GLIS3: variants seen among roughly 807,000 people sequenced by gnomAD.
GLIS3 encodes zinc finger protein GLIS3.
A neutral mutation model predicts 78.6 loss-of-function variants in GLIS3; 53 were observed. That is an observed-to-expected ratio of 0.67 (90% CI 0.54 to 0.85). GLIS3 has a LOEUF of 0.85. GLIS3 is among the 40% of genes least tolerant of loss of function. The pLI, the probability that GLIS3 is intolerant of heterozygous loss-of-function variation, is 0.00. For synonymous variants in GLIS3, 684 were observed against 509.9 expected (o/e 1.34, Z -4.60); for missense variants, 1,703 against 1,231.1 (o/e 1.38, Z -5.74).
chr9:4,115,840 A>T (rs1369119278), intron 4 of GLIS3, among the ~76,000 whole-genome samples: 1 of 152,156 alleles, frequency 6.6e-6, no homozygotes, highest in Admixed American at 6.5e-5. Flanking sequence ...GATTCGATAC[A>T]CTGTTAAATC....
intron 4 of GLIS3, among the ~76,000 whole-genome samples, chr9:4,041,521 C>T (rs952507402): frequency 5.9e-5 from 9 of 152,142 alleles, no homozygotes; most frequent in Admixed American, 4.6e-4. Flanking sequence ...ACCAGAGCTC[C>T]ATTTTTAGTG....
At chr9:4,463,051 G>C in the GLIS3 span, among the ~76,000 whole-genome samples, 8 of 152,150 alleles carry the variant, frequency 5.3e-5, no homozygotes, top group East Asian at 1.9e-4. Context: ...ATTTACAAAG[G>C]CAGAGAGATA....
At chr9:4,435,724 C>T in the GLIS3 span, among the ~76,000 whole-genome samples, 19 of 152,124 alleles carry the variant, frequency 1.2e-4, no homozygotes, top group South Asian at 1.7e-3. Context: ...CCAAGGCGGG[C>T]GGATCATGAG....
chr9:3,860,327 T>C (rs116471608), intron 8 of GLIS3, among the ~76,000 whole-genome samples: 133 of 133,114 alleles, frequency 1.0e-3, no homozygotes, highest in African/African-American at 3.6e-3. Flanking sequence ...AGGAAACATT[T>C]AAAACATTTC....
At chr9:3,993,553 T>G (rs1409034333) in intron 4 of GLIS3, among the ~76,000 whole-genome samples, 1 of 152,168 alleles carries the variant, frequency 6.6e-6, no homozygotes, top group Non-Finnish European at 1.5e-5. Context: ...AAAACTAACA[T>G]ACACCATTTT....
At chr9:4,477,490 C>T in the GLIS3 span, among the ~76,000 whole-genome samples, 1 of 152,036 alleles carries the variant, frequency 6.6e-6, no homozygotes, top group African/African-American at 2.4e-5. Flanking sequence ...TCACGGCTCA[C>T]TGCAGCCTCA....
At chr9:3,990,772 T>C (rs7040765) in intron 4 of GLIS3, among the ~76,000 whole-genome samples, 7,738 of 152,280 alleles carry the variant, frequency 0.051, 635 homozygotes, top group African/African-American at 0.17. Context: ...GCTAAACGTA[T>C]GTATATTTTA....
chr9:3,919,145 G>C (rs1036289011), intron 6 of GLIS3, among the ~76,000 whole-genome samples: 9 of 152,110 alleles, frequency 5.9e-5, no homozygotes, highest in African/African-American at 1.4e-4. Flanking sequence ...GTACTCCAAA[G>C]CATGGGGAAA....
At chr9:4,425,204 C>T in the GLIS3 span, among the ~76,000 whole-genome samples, 4 of 152,118 alleles carry the variant, frequency 2.6e-5, no homozygotes, top group East Asian at 1.9e-4. Flanking sequence ...TACATGAGAG[C>T]GATATAAATT....
intron 4 of GLIS3, among the ~76,000 whole-genome samples, chr9:4,006,777 T>C (rs1460775119): frequency 3.3e-5 from 5 of 152,212 alleles, no homozygotes; most frequent in Admixed American, 2.0e-4. Flanking sequence ...AAGACCAATA[T>C]GTACAGCTAA....
At chr9:4,241,022 T>TG (rs1223864807) in intron 2 of GLIS3, among the ~76,000 whole-genome samples, 22 of 152,180 alleles carry the variant, frequency 1.4e-4, no homozygotes, top group Non-Finnish European at 5.9e-5. Flanking sequence ...AATCTTAACG[T>TG]GCATTTATTA....
At chr9:4,332,842 A>C (rs796081120) in intron 2 of GLIS3, among the ~76,000 whole-genome samples, 12 of 152,318 alleles carry the variant, frequency 7.9e-5, no homozygotes, top group African/African-American at 2.9e-4. Context: ...TAGATACTAC[A>C]TATTCTGAAC....
At chr9:4,001,721 T>C (rs1019352343) in intron 4 of GLIS3, among the ~76,000 whole-genome samples, 3 of 152,238 alleles carry the variant, frequency 2.0e-5, no homozygotes, top group African/African-American at 7.2e-5. Flanking sequence ...GAATATGACA[T>C]GCCAAGGAAT....
At chr9:4,273,777 T>A (rs72614076) in intron 2 of GLIS3, among the ~76,000 whole-genome samples, 3,923 of 152,248 alleles carry the variant, frequency 0.026, 79 homozygotes, top group East Asian at 0.062. Context: ...GATTCTCTGA[T>A]GCTCACTCTC....
At chr9:4,159,231 A>C (rs1480229675) in intron 2 of GLIS3, among the ~76,000 whole-genome samples, 2 of 152,168 alleles carry the variant, frequency 1.3e-5, no homozygotes, top group Non-Finnish European at 2.9e-5. Flanking sequence ...TGCGGGTTGA[A>C]TGAATCAGAT....
intron 8 of GLIS3, among the ~76,000 whole-genome samples, chr9:3,864,773 A>G (rs1820464405): frequency 6.6e-6 from 1 of 152,254 alleles, no homozygotes; most frequent in African/African-American, 2.4e-5. Context: ...CATATATTTT[A>G]AAAATACACA....
intron 4 of GLIS3, among the ~76,000 whole-genome samples, chr9:4,049,062 T>C (rs949298613): frequency 1.3e-5 from 2 of 152,122 alleles, no homozygotes; most frequent in Non-Finnish European, 1.5e-5. Context: ...TCTAACCAAA[T>C]AGCAGTTCAG....
chr9:3,957,497 G>A (rs1817208271), intron 4 of GLIS3, among the ~76,000 whole-genome samples: 1 of 152,232 alleles, frequency 6.6e-6, no homozygotes. Flanking sequence ...GCATATTGCA[G>A]ACTTGTCAAC....
intron 3 of GLIS3, chr9:4,123,589 C>A (rs189106809): frequency 2.8e-6 from 1 of 353,914 alleles, no homozygotes; most frequent in Admixed American, 4.6e-5. Context: ...GAATCCTGGA[C>A]AGGAAGAAGC....
Sources: gnomAD v4.1 joint callset for allele counts (sites outside exome capture counted in the v4.1 genomes callset) on GRCh38, gnomAD v4.1.1 for gene constraint, MANE v1.5 for transcripts, NCBI Gene and HGNC (gene_info 2026-07-23, HGNC 2026-07-21) for gene names.